The following LHFPL3 variants were observed in gnomAD, a reference collection of about 807,000 sequenced individuals.
LHFPL3 encodes LHFPL tetraspan subfamily member 3, also known as LHFPL tetraspan subfamily member 3 protein.
In LHFPL3, 5 loss-of-function variants were observed where a neutral mutation model predicts 19.3. The ratio of observed to expected loss-of-function variants is 0.26; its 90% CI spans 0.14 to 0.54. The LOEUF is 0.54. LHFPL3 is among the 20% of genes least tolerant of loss of function. LHFPL3 has a pLI of 0.94. For synonymous variants in LHFPL3, 133 were observed against 126.2 expected, an observed-to-expected ratio of 1.05 and a Z score of -0.36; for missense variants, 249 against 307.4, an observed-to-expected ratio of 0.81 and a Z score of 1.42.
chr7:104,622,930 T>C (rs1791475318), intron 1 of LHFPL3: 1 of 273,634 alleles, frequency 3.7e-6, no homozygotes, highest in Non-Finnish European at 7.6e-6. Flanking sequence ...CCAGCAGCAG[T>C]GAATGAGGGT....
chr7:104,600,409 T>C (rs1263924170), intron 1 of LHFPL3, among the ~76,000 whole-genome samples: 2 of 152,224 alleles, frequency 1.3e-5, no homozygotes, highest in Non-Finnish European at 2.9e-5. Flanking sequence ...CTAATCTCTA[T>C]GTCTGAAAGA....
chr7:104,423,263 T>A (rs568129368), intron 1 of LHFPL3, among the ~76,000 whole-genome samples: 35 of 152,162 alleles, frequency 2.3e-4, no homozygotes, highest in Non-Finnish European at 1.0e-4. Context: ...TCAATTGGGC[T>A]GCTATGGAAG....
At chr7:104,692,134 A>C (rs1374850832) in intron 1 of LHFPL3, among the ~76,000 whole-genome samples, 1 of 152,220 alleles carries the variant, frequency 6.6e-6, no homozygotes, top group Non-Finnish European at 1.5e-5. Context: ...AACGCATTGA[A>C]GATGTGATTT....
chr7:104,563,702 C>T (rs939465919), intron 1 of LHFPL3, among the ~76,000 whole-genome samples: 6 of 152,218 alleles, frequency 3.9e-5, no homozygotes, highest in Non-Finnish European at 7.3e-5. Context: ...CATCTTGGCT[C>T]CTCCGGAGAC....
intron 1 of LHFPL3, among the ~76,000 whole-genome samples, chr7:104,444,389 A>C (rs10258646): frequency 0.25 from 37,748 of 152,084 alleles, 5,656 homozygotes; most frequent in African/African-American, 0.42. Context: ...ACTGAGTGTC[A>C]GCTTATCTGA....
chr7:104,619,216 T>C (rs1378884366), intron 1 of LHFPL3, among the ~76,000 whole-genome samples: 1 of 152,230 alleles, frequency 6.6e-6, no homozygotes, highest in Non-Finnish European at 1.5e-5. Context: ...CAGCTAACAG[T>C]CTTCTTTGTT....
At chr7:104,868,211 G>A (rs1791766413) in intron 2 of LHFPL3, among the ~76,000 whole-genome samples, 1 of 152,068 alleles carries the variant, frequency 6.6e-6, no homozygotes, top group Non-Finnish European at 1.5e-5. Context: ...TCAACATAGT[G>A]TTGGAAGTTC....
intron 1 of LHFPL3, among the ~76,000 whole-genome samples, chr7:104,548,284 G>T (rs1219576240): frequency 6.6e-6 from 1 of 152,090 alleles, no homozygotes; most frequent in Non-Finnish European, 1.5e-5. Context: ...CACATAAATA[G>T]TTCTGTGTTC....
chr7:104,464,158 T>C (rs1199318082), intron 1 of LHFPL3, among the ~76,000 whole-genome samples: 4 of 152,234 alleles, frequency 2.6e-5, no homozygotes, highest in Admixed American at 6.5e-5. Flanking sequence ...GGGGCAGTTA[T>C]TAAACCTTAA....
chr7:104,405,193 T>G, intron 1 of LHFPL3, among the ~76,000 whole-genome samples: 1 of 152,186 alleles, frequency 6.6e-6, no homozygotes, highest in East Asian at 1.9e-4. Context: ...AGTGATTCAA[T>G]TTTTGAGCCT....
chr7:104,754,548 T>C (rs776413582), intron 2 of LHFPL3, among the ~76,000 whole-genome samples: 1 of 152,232 alleles, frequency 6.6e-6, no homozygotes, highest in Non-Finnish European at 1.5e-5. Flanking sequence ...GTGTAAAATA[T>C]AGACCATGTT....
chr7:104,430,436 A>ACATG (rs1487137412), intron 1 of LHFPL3, among the ~76,000 whole-genome samples: 28 of 13,044 alleles, frequency 2.1e-3, no homozygotes, highest in South Asian at 3.3e-3. Context: ...ATATATATAT[A>ACATG]TATATATATA....
At chr7:104,351,164 A>G (rs1790167350) in intron 1 of LHFPL3, among the ~76,000 whole-genome samples, 1 of 152,186 alleles carries the variant, frequency 6.6e-6, no homozygotes, top group Non-Finnish European at 1.5e-5. Context: ...GAGGCCCCAA[A>G]GCAGAGATCA....
chr7:104,343,005 T>TTG lies in LHFPL3; in HGVS notation c.445+13782_445+13783insGT, dbSNP rs201007280. On this transcript the variant is annotated intron_variant, in intron 1 of 2. Transcript: ENST00000424859. ...ATTATTAAAGAATTGACTTTTTTTT[T>TTG]TTTTTTGCAAATTCTCTAGAAAACC... Among the ~76,000 whole-genome samples the TTG allele has an allele frequency of 3.4e-4, 51 of 151,898 alleles. No individual in the cohort carries two copies. The East Asian group carries it at 9.7e-3, about 29-fold the overall frequency.
At chr7:104,425,446 C>G (rs1791826894) in intron 1 of LHFPL3, among the ~76,000 whole-genome samples, 1 of 151,864 alleles carries the variant, frequency 6.6e-6, no homozygotes, top group East Asian at 1.9e-4. Context: ...TGTGTAAGCT[C>G]TTAATATATT....
intron 1 of LHFPL3, among the ~76,000 whole-genome samples, chr7:104,555,981 C>G (rs546648021): frequency 7.2e-5 from 11 of 152,240 alleles, no homozygotes; most frequent in Non-Finnish European, 1.5e-4. Flanking sequence ...CCAAAATGAT[C>G]TCCTTTGACT....
chr7:104,882,626 G>A (rs1792078468), intron 2 of LHFPL3, among the ~76,000 whole-genome samples: 1 of 152,120 alleles, frequency 6.6e-6, no homozygotes, highest in Non-Finnish European at 1.5e-5. Context: ...GGTATCCAGG[G>A]CCTGAGGGGA....
At chr7:104,705,718 CA>C (rs1793179143) in intron 1 of LHFPL3, among the ~76,000 whole-genome samples, 1 of 152,110 alleles carries the variant, frequency 6.6e-6, no homozygotes, top group Admixed American at 6.5e-5. Flanking sequence ...CTGCTTGTGT[CA>C]ACTGATAAGG....
At chr7:104,835,433 T>C (rs1205331284) in intron 2 of LHFPL3, among the ~76,000 whole-genome samples, 1 of 150,888 alleles carries the variant, frequency 6.6e-6, no homozygotes, top group Non-Finnish European at 1.5e-5. Context: ...AAGGTAAGCT[T>C]AGATGAGCTA....
Sources: gnomAD v4.1 joint callset for allele counts (sites outside exome capture counted in the v4.1 genomes callset) on GRCh38, gnomAD v4.1.1 for gene constraint, MANE v1.5 for transcripts, NCBI Gene and HGNC (gene_info 2026-07-23, HGNC 2026-07-21) for gene names.